Variants in ZNF117 observed in about 807,000 individuals in gnomAD.
ZNF117 encodes the protein Krueppel-related zinc finger protein.
A neutral mutation model predicts 41.2 loss-of-function variants in ZNF117; 37 were observed. The observed-to-expected ratio is 0.90, with a 90% CI of 0.69 to 1.18. ZNF117 has a LOEUF of 1.18. Among genes scored for constraint, ZNF117 ranks in the 50% most tolerant of loss-of-function variants. The pLI is 0.00. For missense variants in ZNF117, 546 were observed against 557.5 expected, an observed-to-expected ratio of 0.98 and a Z score of 0.21; for synonymous variants, 186 against 186.6, an observed-to-expected ratio of 1.00 and a Z score of 0.02.
At chr7:64,986,440 A>G (rs6460218), upstream of ZNF117, among the ~76,000 whole-genome samples, 136,260 of 151,774 alleles carry the variant, frequency 0.9, 61,684 homozygotes, top group South Asian at 0.97. Context: ...GACAAATGGC[A>G]CAGACAAAAA....
In ZNF117 at chr7:64,978,888, C is replaced by T. The variant is rs753803113; in HGVS notation, c.683G>A (p.Arg228Lys). ...AAGCTTTGAGGCTTGGTTAAAAGCT[C>T]TAACACATTTCTCACATTTGTAGGG... The change falls in exon 3 of 3, where the codon AGA (arginine) becomes AAA (lysine). Residue 228 changes from arginine to lysine, a missense_variant. Physicochemically the swap from Arg to Lys is conservative, Grantham distance 26. Coordinates refer to ENST00000620222, the Ensembl canonical transcript of ZNF117. The T allele has an allele frequency of 1.4e-5, 22 of 1,613,026 alleles. No individual in the cohort carries two copies. In the South Asian group the frequency reaches 2.3e-4, roughly 17 times the overall value.
upstream of ZNF117, among the ~76,000 whole-genome samples, chr7:64,985,964 AAAAAAAG>A (rs1455906059): frequency 6.6e-6 from 1 of 151,116 alleles, no homozygotes; most frequent in African/African-American, 2.4e-5. Context: ...AAAAAAAAAA[AAAAAAAG>A]AAAGAAAGAA....
At chr7:64,981,987 C>T in exon 1 of ZNF117, 1 of 639,698 alleles carries the variant, frequency 1.6e-6, no homozygotes, top group East Asian at 2.9e-5. Context: ...AAGTTACCTT[C>T]ACCCAAGAAA....
exon 3 of ZNF117, chr7:64,977,374 C>T (rs1285354017): frequency 4.8e-6 from 2 of 414,506 alleles, no homozygotes; most frequent in African/African-American, 4.2e-5. Flanking sequence ...TGGCTAAAAG[C>T]TTTAGCACAT....
rs766110490 is a variant in ZNF117, at chr7:64,978,771, T to C, written c.800A>G (p.His267Arg). ...CTTCTCTCCAGTATGAATGTACTTA[T>C]GTTCAGTAAGTTTTGAGGATCGGTT... The change falls in exon 3 of 3, where the codon CAT (histidine) becomes CGT (arginine). Residue 267 changes from histidine (H) to arginine (R), a missense_variant. His to Arg is a conservative substitution (Grantham distance 29). Transcript: ENST00000620222. 5.8e-5 allele frequency: 93 copies of C among 1,613,336 alleles called. No individual in the cohort carries two copies. The highest frequency in any genetic ancestry group is 7.2e-5 in the Non-Finnish European group (85 of 1,179,742).
chr7:64,983,407 G>C (rs1383791590), upstream of ZNF117, among the ~76,000 whole-genome samples: 1 of 152,008 alleles, frequency 6.6e-6, no homozygotes, highest in African/African-American at 2.4e-5. Flanking sequence ...CTGGTATGTA[G>C]GAAAAAATAT....
downstream of ZNF117, chr7:64,973,427 G>A (rs1785813893): frequency 6.6e-6 from 1 of 151,880 alleles, no homozygotes; most frequent in Admixed American, 6.6e-5. Context: ...GGCAATAAGA[G>A]TGAAACTCTG....
chr7:64,978,386 G>GCCAGATTCT, exon 3 of ZNF117: 2 of 1,613,550 alleles, frequency 1.2e-6, no homozygotes, highest in Non-Finnish European at 1.7e-6. Flanking sequence ...GGAAAACTTT[G>GCCAGATTCT]CCAGATTCTC....
chr7:64,989,811 T>G (rs1786223932), intron 1 of ZNF117, 136 bp downstream of exon 1: 1 of 152,020 alleles, frequency 6.6e-6, no homozygotes, highest in South Asian at 2.1e-4. Flanking sequence ...CTGTGGCTCA[T>G]GCTTGTAATC....
chr7:64,989,126 C>T (rs1057016487), intron 1 of ZNF117, among the ~76,000 whole-genome samples: 8 of 145,902 alleles, frequency 5.5e-5, no homozygotes, highest in African/African-American at 1.3e-4. Context: ...ACAAAGAGCC[C>T]GAATACCCAA....
chr7:64,986,478 G>C (rs1329772669), upstream of ZNF117, among the ~76,000 whole-genome samples: 1 of 152,100 alleles, frequency 6.6e-6, no homozygotes, highest in Non-Finnish European at 1.5e-5. Context: ...TTTTACATAA[G>C]ATAACATAGA....
chr7:64,975,150 G>A (rs1164885020), exon 3 of ZNF117: 1 of 151,824 alleles, frequency 6.6e-6, no homozygotes, highest in African/African-American at 2.4e-5. Flanking sequence ...ACACCCTTGA[G>A]TAAGGTGGGA....
exon 3 of ZNF117, chr7:64,976,587 G>T: frequency 4.8e-6 from 1 of 207,644 alleles, no homozygotes; most frequent in Non-Finnish European, 9.8e-6. Context: ...TTTTTCTGAA[G>T]TGCTTTCCTG....
chr7:64,988,966 T>A (rs922073340), intron 1 of ZNF117, among the ~76,000 whole-genome samples: 1 of 152,098 alleles, frequency 6.6e-6, no homozygotes, highest in Non-Finnish European at 1.5e-5. Flanking sequence ...AATGGAGATT[T>A]ATTTTATGCT....
At chr7:64,976,591 T>C (rs577411754) in exon 3 of ZNF117, 1 of 213,052 alleles carries the variant, frequency 4.7e-6, no homozygotes, top group Non-Finnish European at 9.5e-6. Context: ...TCTGAAGTGC[T>C]TTCCTGTGCT....
At chr7:64,977,537 A>G in exon 3 of ZNF117, 1 of 553,038 alleles carries the variant, frequency 1.8e-6, no homozygotes, top group Non-Finnish European at 3.5e-6. Flanking sequence ...ACACTTGGTT[A>G]AAAGCTTTGC....
At chr7:64,985,992 C>CT (rs1369629106), upstream of ZNF117, among the ~76,000 whole-genome samples, 1 of 150,768 alleles carries the variant, frequency 6.6e-6, no homozygotes, top group Non-Finnish European at 1.5e-5. Flanking sequence ...AATATCCTCC[C>CT]TTTTTTCATG....
At chr7:64,982,934 G>T (rs537178264), upstream of ZNF117, among the ~76,000 whole-genome samples, 4 of 152,164 alleles carry the variant, frequency 2.6e-5, no homozygotes, top group Admixed American at 6.5e-5. Flanking sequence ...GAAAAATGCA[G>T]CTTCACTGCT....
chr7:64,979,020 T>G (rs1413376955), exon 3 of ZNF117: 5 of 1,613,326 alleles, frequency 3.1e-6, no homozygotes, highest in Non-Finnish European at 3.4e-6. Flanking sequence ...ATGAATTCTC[T>G]TATGTCTAAT....
Sources: gnomAD v4.1 joint callset for allele counts (sites outside exome capture counted in the v4.1 genomes callset) on GRCh38, gnomAD v4.1.1 for gene constraint, MANE v1.5 for transcripts, NCBI Gene and HGNC (gene_info 2026-07-23, HGNC 2026-07-21) for gene names.